RHPN2: variants seen among roughly 807,000 people sequenced by gnomAD.
RHPN2 encodes rhophilin-2.
In RHPN2, 40 loss-of-function variants were observed where a neutral mutation model predicts 79.0. The observed-to-expected ratio is 0.51, with a 90% confidence interval of 0.39 to 0.66. RHPN2 has a LOEUF of 0.66. Among genes scored for constraint, RHPN2 ranks in the 30% least tolerant of loss-of-function variants. RHPN2 has a pLI of 0.00. For missense variants in RHPN2, 686 were observed against 883.5 expected (o/e 0.78, Z 2.83); for synonymous variants, 285 against 363.5 (o/e 0.78, Z 2.46).
intron 1 of RHPN2, among the ~76,000 whole-genome samples, chr19:33,056,820 C>T (rs1206345766): frequency 2.6e-5 from 4 of 151,854 alleles, no homozygotes; most frequent in East Asian, 1.9e-4. Context: ...CCAAAGAGTT[C>T]GAGACCAGGC....
In RHPN2 at chr19:33,002,360, G is replaced by C; in HGVS notation, c.992C>G (p.Ala331Gly). Residue 331 changes from alanine to glycine, a missense_variant, in exon 9 of 15, where the codon GCG (alanine) becomes GGG (glycine). Transcript: ENST00000254260. ...YQQLHAAMSQ[A>G]PVKENIPYSW... Reference sequence around the variant, plus strand: ...GTAGGGGATGTTCTCTTTCACCGGCGCCTGGCTCATGGCTGCGTGTAGCTG... The same window carrying C: ...GTAGGGGATGTTCTCTTTCACCGGCCCCTGGCTCATGGCTGCGTGTAGCTG... 1.2e-6 allele frequency: 2 copies of C among 1,613,912 alleles called. No homozygotes were observed. The highest frequency in any genetic ancestry group is 1.7e-6 in the Non-Finnish European group (2 of 1,179,862).
In RHPN2 at chr19:33,011,750, G is replaced by A; in HGVS notation, c.522C>T (p.Tyr174=). ...DEAGVELLMT[Y]FIQLGFVESR... ...TCTCGACAAAGCCCAGCTGGATGAA[G>A]TATGTCATCAGCAGTTCCACCCCGG... The change falls in exon 6 of 15, where the codon TAC becomes TAT. Residue 174 remains tyrosine (Y), a synonymous_variant. Transcript: ENST00000254260. 6.2e-7 allele frequency: 1 copy of A among 1,613,976 alleles called. No homozygotes were observed. Among genetic ancestry groups the A allele is most frequent in the Non-Finnish European group, 8.5e-7 (1 of 1,179,876 alleles).
chr19:33,025,981 G>GTTTTTTTT (rs71340523), intron 3 of RHPN2, among the ~76,000 whole-genome samples: 9 of 129,098 alleles, frequency 7.0e-5, no homozygotes, highest in African/African-American at 8.8e-5. Flanking sequence ...GTGTTCATTT[G>GTTTTTTTT]TTTTTTTTTT....
intron 14 of RHPN2, among the ~76,000 whole-genome samples, chr19:32,985,865 C>T (rs1258108061): frequency 6.6e-6 from 1 of 152,206 alleles, no homozygotes. Context: ...CTCCTGGCTT[C>T]AAGTGATCCG....
intron 1 of RHPN2, among the ~76,000 whole-genome samples, chr19:33,061,491 T>G (rs565566939): frequency 1.5e-4 from 22 of 150,242 alleles, no homozygotes; most frequent in East Asian, 5.8e-4. Flanking sequence ...TTTTTTTTTT[T>G]GGGTTGCAGG....
rs1209893631 is a variant in RHPN2 at position 33,002,202 on chromosome 19, C to T, written c.1105+45G>A. 3.1e-6 allele frequency: 5 copies of T among 1,601,000 alleles called. 1 individual carries two copies. The Admixed American group carries it at 6.9e-5, about 22-fold the overall frequency. ...CAGCTCAGAATCGCCCCTGGGGCAG[C>T]TGGACCACAGCCCTCGCCAAACTCC... On this transcript the variant is annotated intron_variant, in intron 9 of 14. Transcript: ENST00000254260.
intron 5 of RHPN2, among the ~76,000 whole-genome samples, chr19:33,012,378 T>G (rs1427085678): frequency 2.0e-5 from 3 of 152,106 alleles, no homozygotes; most frequent in Admixed American, 2.0e-4. Flanking sequence ...GGTTTCACCA[T>G]GTTGGCCAGG....
intron 6 of RHPN2, among the ~76,000 whole-genome samples, chr19:33,011,416 G>A (rs967432412): frequency 6.6e-6 from 1 of 152,124 alleles, no homozygotes; most frequent in Non-Finnish European, 1.5e-5. Flanking sequence ...GATACAACGA[G>A]CAAGAAAAAT....
At position 32,981,755 on chromosome 19, in the gene RHPN2, G is replaced by A. The variant is rs1410242746; in HGVS notation, c.1801-1499C>T. 2.1e-5 allele frequency among the ~76,000 whole-genome samples: 3 copies of A among 144,944 alleles called. No individual in the cohort carries two copies. In the Admixed American group the frequency reaches 2.1e-4, roughly 10 times the overall value. ...GGAGTCTCGCTCTGTCGCCCAGGCT[G>A]GAGTGCCATTTTTATCATTTTCAAG... On this transcript the variant is annotated intron_variant, in intron 14 of 14. Coordinates refer to ENST00000254260, the MANE Select transcript of RHPN2 (RefSeq NM_033103.5).
chr19:33,063,107 C>T lies in RHPN2; in HGVS notation c.69+1677G>A, dbSNP rs564923541. On this transcript the variant is annotated intron_variant, in intron 1 of 14. Coordinates refer to ENST00000254260, the MANE Select transcript of RHPN2 (RefSeq NM_033103.5). ...ACAGCAATTTTGTGGGAGTGGCAGT[C>T]AGGCCCCGGGGCCCGAGGACAGACA... 1.1e-4 allele frequency among the ~76,000 whole-genome samples: 16 copies of T among 152,272 alleles called. 1 individual carries two copies. Among genetic ancestry groups the T allele is most frequent in the African/African-American group, 3.9e-4 (16 of 41,550 alleles).
In RHPN2 at chr19:32,979,968, A is replaced by G. The variant is rs8099835; in HGVS notation, c.*28T>C. On this transcript the variant is annotated 3_prime_UTR_variant, in exon 15 of 15. Coordinates refer to ENST00000254260, the MANE Select transcript of RHPN2 (RefSeq NM_033103.5). ...GGCCGAGTCAGCACCGGAAATGTTC[A>G]GGGCCTGAACATGTTTGTTTCCTCA... is the stretch of plus-strand genomic sequence containing the variant. 0.6 allele frequency: 974,201 copies of G among 1,612,558 alleles called. 298,058 individuals carry two copies. Among genetic ancestry groups the G allele is most frequent in the African/African-American group, 0.8 (59,999 of 74,932 alleles).
At chr19:33,026,870 A>G (rs1198313443) in intron 2 of RHPN2, 1 of 471,140 alleles carries the variant, frequency 2.1e-6, no homozygotes, top group East Asian at 4.4e-5. Flanking sequence ...CATGAACTCT[A>G]TGACATCCTG....
rs563522644 is a variant in RHPN2 at position 32,993,311 on chromosome 19, C to A, written c.1497+666G>T. On this transcript the variant is annotated intron_variant, in intron 12 of 14. Transcript: ENST00000254260. ...CCAACATGGTGAAACCCCGTCTCTA[C>A]TAAAAATACAAAATTAGCTGAGCGT... Among the ~76,000 whole-genome samples the A allele has an allele frequency of 1.9e-3, 295 of 151,884 alleles. 4 individuals are homozygous for A. The Middle Eastern group carries it at 0.02, about 11-fold the overall frequency.
At chr19:32,996,368 C>T (rs918990642) in intron 10 of RHPN2, 148 bp from the exon 11 acceptor site, 15 of 748,044 alleles carry the variant, frequency 2.0e-5, no homozygotes, top group Non-Finnish European at 3.2e-5. Context: ...CTTGTTTTAA[C>T]CTGAGTGACT....
intron 1 of RHPN2, among the ~76,000 whole-genome samples, chr19:33,058,258 C>G (rs1972250270): frequency 6.6e-6 from 1 of 152,218 alleles, no homozygotes; most frequent in African/African-American, 2.4e-5. Context: ...CTCCAGGAAA[C>G]GAGACCTGCT....
At chr19:32,987,948 A>G (rs1971623764) in intron 14 of RHPN2, among the ~76,000 whole-genome samples, 1 of 152,138 alleles carries the variant, frequency 6.6e-6, no homozygotes, top group Non-Finnish European at 1.5e-5. Context: ...TGGGAGGCGG[A>G]GGTGGGAGGA....
intron 2 of RHPN2, among the ~76,000 whole-genome samples, chr19:33,036,985 G>A (rs189695978): frequency 6.3e-4 from 96 of 152,330 alleles, no homozygotes; most frequent in Middle Eastern, 3.4e-3. Context: ...TGACGAGTGC[G>A]GGCGCAGGGC....
intron 1 of RHPN2, 96 bp downstream of exon 1, chr19:33,064,688 G>A: frequency 7.6e-7 from 1 of 1,319,832 alleles, no homozygotes; most frequent in Non-Finnish European, 1.0e-6. Context: ...CCGGCCTAGT[G>A]GACCCCGACT....
chr19:32,996,526 T>G, intron 10 of RHPN2: 3 of 441,902 alleles, frequency 6.8e-6, no homozygotes, highest in Non-Finnish European at 8.5e-6. Context: ...AGGCAGGCTG[T>G]ACCAGCAGCT....
Sources: gnomAD v4.1 joint callset for allele counts (sites outside exome capture counted in the v4.1 genomes callset) on GRCh38, gnomAD v4.1.1 for gene constraint, MANE v1.5 for transcripts, NCBI Gene and HGNC (gene_info 2026-07-23, HGNC 2026-07-21) for gene names.